Variants in SLC18A1 observed in about 807,000 individuals in gnomAD.
SLC18A1 encodes the protein chromaffin granule amine transporter.
Under a neutral mutation model 53.7 loss-of-function variants are expected in SLC18A1, and 69 were observed. The observed-to-expected ratio is 1.28, with a 90% CI of 1.06 to 1.57. The LOEUF (loss-of-function observed/expected upper bound fraction) is 1.57, where lower values mean the gene tolerates loss of function less well. Among genes scored for constraint, SLC18A1 ranks in the 40% most tolerant of loss-of-function variants. SLC18A1 has a pLI of 0.00. For missense variants in SLC18A1, 932 were observed against 668.1 expected, an observed-to-expected ratio of 1.40 and a Z score of -4.35; for synonymous variants, 320 against 248.1, an observed-to-expected ratio of 1.29 and a Z score of -2.72.
At chr8:20,147,236 T>C (rs2071423296) in intron 15 of SLC18A1, 22 bp downstream of exon 15, 2 of 1,574,636 alleles carry the variant, frequency 1.3e-6, no homozygotes, top group Non-Finnish European at 1.7e-6. Context: ...GAATTTCTCT[T>C]TTAACAGTCG....
chr8:20,180,889 C>T lies in SLC18A1; in HGVS notation c.76G>A (p.Val26Met). The T allele has an allele frequency of 6.2e-7, 1 of 1,613,900 alleles. No individual in the cohort carries two copies. Among genetic ancestry groups the T allele is most frequent in the South Asian group, 1.1e-5 (1 of 91,020 alleles). Residue 26 changes from valine to methionine, a missense_variant, in exon 2 of 16, where the codon GTG becomes ATG. Transcript: ENST00000276373. ...TCCAGGAGCAAAGCGACGAATACCA[C>T]CACCAGCACCAGCTGCCGGGACGCT... ...GRASRQLVLV[V>M]VFVALLLDNM...
At chr8:20,182,953 G>C (rs148043727) in intron 1 of SLC18A1, 110 bp downstream of exon 1, 277 of 152,248 alleles carry the variant, frequency 1.8e-3, no homozygotes, top group African/African-American at 6.1e-3. Flanking sequence ...AACAAAACCA[G>C]GAATTTGCCA....
At chr8:20,160,692 T>G (rs924770595) in intron 10 of SLC18A1, among the ~76,000 whole-genome samples, 1 of 152,204 alleles carries the variant, frequency 6.6e-6, no homozygotes, top group Non-Finnish European at 1.5e-5. Context: ...TTAGTCTGTT[T>G]TATTTTTGCT....
intron 10 of SLC18A1, among the ~76,000 whole-genome samples, chr8:20,156,151 T>C (rs766776624): frequency 2.6e-5 from 4 of 152,130 alleles, no homozygotes; most frequent in Non-Finnish European, 5.9e-5. Context: ...CCAAATGCAT[T>C]CAATCTGTAG....
intron 13 of SLC18A1, 55 bp from the exon 14 acceptor site, chr8:20,147,777 C>T (rs948111269): frequency 3.2e-5 from 51 of 1,593,258 alleles, no homozygotes; most frequent in Non-Finnish European, 3.4e-5. Flanking sequence ...AGTACCACCC[C>T]GCCTCTCCTC....
At chr8:20,153,853 A>G (rs1020889000) in intron 10 of SLC18A1, among the ~76,000 whole-genome samples, 32 of 152,200 alleles carry the variant, frequency 2.1e-4, no homozygotes, top group African/African-American at 7.5e-4. Flanking sequence ...TATAATTAAT[A>G]CTGACATCAA....
rs1173505912 is a variant in SLC18A1, at chr8:20,164,986, C to A, written c.920-22G>T. 11 of 1,613,588 alleles carry A rather than the reference C, an allele frequency of 6.8e-6. 1 individual carries two copies. The highest frequency in any genetic ancestry group is 6.6e-5 in the South Asian group (6 of 91,054). ...GACCCTGGGGAGACTGTTCTGTGAGCAGCCGTGGCTGCTTGAAGCCCAGAC... is the reference window on the plus strand; with the variant it reads ...GACCCTGGGGAGACTGTTCTGTGAGAAGCCGTGGCTGCTTGAAGCCCAGAC... On this transcript the variant is annotated intron_variant, in intron 9 of 15. Transcript: ENST00000276373.
rs773677213 is a variant in SLC18A1 at position 20,179,116 on chromosome 8, G to C, written c.488+5C>G. 1.2e-5 allele frequency: 19 copies of C among 1,607,474 alleles called. No homozygotes were observed. The highest frequency in any genetic ancestry group is 3.3e-5 in the Admixed American group (2 of 59,724). ...CCCTGCGGGGCACTGCACCCAGTGA[G>C]ATACCTGTTGGTGAGAGGGCCCACG... On this transcript the variant is annotated splice_donor_5th_base_variant and intron_variant, in intron 3 of 15. Coordinates refer to ENST00000276373, the MANE Select transcript of SLC18A1 (RefSeq NM_003053.4).
chr8:20,165,135 C>T (rs774355352), intron 8 of SLC18A1, 28 bp from the exon 9 acceptor site: 2 of 1,595,356 alleles, frequency 1.3e-6, no homozygotes, highest in Admixed American at 3.3e-5. Flanking sequence ...AAAAAATGTC[C>T]ATTTGTACAG....
intron 1 of SLC18A1, chr8:20,181,989 T>C (rs566954869): frequency 4.6e-5 from 7 of 152,346 alleles, no homozygotes; most frequent in Admixed American, 3.9e-4. Flanking sequence ...TGATTAGTTC[T>C]CTATTCAGGA....
intron 4 of SLC18A1, among the ~76,000 whole-genome samples, chr8:20,174,934 A>T (rs533827017): frequency 2.0e-5 from 3 of 152,340 alleles, no homozygotes; most frequent in African/African-American, 7.2e-5. Context: ...ATATCTTGTG[A>T]TACAATCAGA....
chr8:20,167,148 C>T (rs374970644), intron 8 of SLC18A1, among the ~76,000 whole-genome samples: 2 of 151,468 alleles, frequency 1.3e-5, no homozygotes, highest in East Asian at 3.9e-4. Context: ...AAAAAAAACC[C>T]CACAAATGGA....
chr8:20,147,895 T>G, intron 13 of SLC18A1, 112 bp downstream of exon 13: 1 of 1,441,780 alleles, frequency 6.9e-7, no homozygotes, highest in South Asian at 1.3e-5. Flanking sequence ...GCTGCCCTCC[T>G]GATCCTTCTG....
rs2072104678 is a variant in SLC18A1, at chr8:20,171,134, CAAAGCTGGAGTGCT to C, written c.815-2_826del. 1.2e-6 allele frequency: 2 copies of C among 1,614,062 alleles called. No homozygotes were observed. Among genetic ancestry groups the C allele is most frequent in the South Asian group, 2.2e-5 (2 of 91,090 alleles). On this transcript the variant is annotated splice_acceptor_variant and coding_sequence_variant, in exon 8 of 16. Coordinates refer to ENST00000276373, the MANE Select transcript of SLC18A1 (RefSeq NM_003053.4). LOFTEE classifies it high-confidence loss of function. ...AGAGACTTTGGAAGGCTGTAGGATG[CAAAGCTGGAGTGCT>C]AAGAAACAAAGAAGGTGAGACAGTT...
chr8:20,153,014 G>A (rs1377428805), intron 10 of SLC18A1, among the ~76,000 whole-genome samples: 2 of 152,156 alleles, frequency 1.3e-5, no homozygotes, highest in East Asian at 1.9e-4. Flanking sequence ...TCAATGAGTA[G>A]GAGGCAAAGT....
intron 8 of SLC18A1, among the ~76,000 whole-genome samples, chr8:20,170,482 A>T (rs1424699756): frequency 6.6e-6 from 1 of 152,178 alleles, no homozygotes; most frequent in Non-Finnish European, 1.5e-5. Context: ...CTTTAGATCA[A>T]ACATTTTTAC....
intron 10 of SLC18A1, among the ~76,000 whole-genome samples, chr8:20,153,460 A>C (rs1034059391): frequency 4.6e-5 from 7 of 152,122 alleles, no homozygotes; most frequent in African/African-American, 1.7e-4. Flanking sequence ...GGTGGATCAC[A>C]AGGTCAGGAG....
At chr8:20,161,354 A>G (rs2071825881) in intron 10 of SLC18A1, among the ~76,000 whole-genome samples, 2 of 152,220 alleles carry the variant, frequency 1.3e-5, no homozygotes, top group African/African-American at 2.4e-5. Context: ...ATATGAGGAA[A>G]AAAAATAAAA....
chr8:20,147,735 CAA>C lies in SLC18A1; in HGVS notation c.1211-15_1211-14del. The C allele has an allele frequency of 6.2e-7, 1 of 1,611,452 alleles. No homozygotes were observed. The highest frequency in any genetic ancestry group is 2.2e-5 in the East Asian group (1 of 44,688). ...GAATCCACCATGCCTGTGGCCAGAG[CAA>C]ACAGGACACAGTCAGCCCCACCCAC... On this transcript the variant is annotated splice_polypyrimidine_tract_variant and intron_variant, in intron 13 of 15. Coordinates refer to ENST00000276373, the MANE Select transcript of SLC18A1 (RefSeq NM_003053.4).
Sources: gnomAD v4.1 joint callset for allele counts (sites outside exome capture counted in the v4.1 genomes callset) on GRCh38, gnomAD v4.1.1 for gene constraint, MANE v1.5 for transcripts, NCBI Gene and HGNC (gene_info 2026-07-23, HGNC 2026-07-21) for gene names.